PKP2: variants seen among roughly 807,000 people sequenced by gnomAD.
PKP2 encodes the protein plakophilin 2.
Under a neutral mutation model 83.4 loss-of-function variants are expected in PKP2, and 73 were observed. That is an observed-to-expected ratio of 0.88 (90% confidence interval 0.72 to 1.06). PKP2 has a LOEUF of 1.06. Ranked by LOEUF, PKP2 falls within the 50% of genes least tolerant of loss-of-function variation. PKP2 has a pLI of 0.00. For synonymous variants in PKP2, 409 were observed against 430.4 expected (o/e 0.95, Z 0.62); for missense variants, 966 against 1,065.4 (o/e 0.91, Z 1.30).
chr12:32,826,231 G>A (rs532271835), intron 6 of PKP2, among the ~76,000 whole-genome samples: 3 of 150,892 alleles, frequency 2.0e-5, no homozygotes, highest in East Asian at 2.0e-4. Context: ...GTGTGAACTC[G>A]GAAGGTGGAG....
At chr12:32,808,238 C>A (rs1956244282) in intron 9 of PKP2, among the ~76,000 whole-genome samples, 1 of 152,042 alleles carries the variant, frequency 6.6e-6, no homozygotes, top group African/African-American at 2.4e-5. Context: ...ATTCTTTTTT[C>A]TCTATTCTTG....
At chr12:32,820,853 C>T (rs1326688971) in intron 9 of PKP2, 1 of 178,898 alleles carries the variant, frequency 5.6e-6, no homozygotes, top group Admixed American at 5.5e-5. Context: ...AACTTCTTAA[C>T]AACACTATTG....
In PKP2 at chr12:32,792,633, C is replaced by T. The variant is rs1356336963; in HGVS notation, c.2445+11G>A. On this transcript the variant is annotated intron_variant, in intron 12 of 12. Coordinates refer to ENST00000340811, the MANE Select transcript of PKP2 (RefSeq NM_001005242.3). ...TGTTAACTATGACACATTCCTTGTT[C>T]ATGTTCTTACCTTCTTGTAGGCATG... The T allele has an allele frequency of 2.5e-6, 4 of 1,609,694 alleles. No homozygotes were observed. The highest frequency in any genetic ancestry group is 1.3e-5 in the African/African-American group (1 of 74,820).
intron 4 of PKP2, among the ~76,000 whole-genome samples, chr12:32,862,308 A>G (rs905383598): frequency 6.6e-6 from 1 of 152,238 alleles, no homozygotes; most frequent in Non-Finnish European, 1.5e-5. Context: ...AAGCTGAAAT[A>G]ATGCAGGTTT....
chr12:32,807,890 G>A (rs753431873), intron 9 of PKP2, among the ~76,000 whole-genome samples: 1 of 152,192 alleles, frequency 6.6e-6, no homozygotes, highest in Non-Finnish European at 1.5e-5. Context: ...TTTCTGCTGA[G>A]AAGTCTGCTG....
At chr12:32,865,681 C>A (rs1376734817) in intron 4 of PKP2, among the ~76,000 whole-genome samples, 62 of 103,636 alleles carry the variant, frequency 6.0e-4, no homozygotes, top group African/African-American at 1.1e-3. Context: ...GACTCCGTCT[C>A]AAAAAAAAAA....
chr12:32,822,909 T>C (rs897183302), intron 7 of PKP2, among the ~76,000 whole-genome samples: 2 of 152,156 alleles, frequency 1.3e-5, no homozygotes, highest in African/African-American at 4.8e-5. Context: ...GATACGTAAC[T>C]TACTAGCCAT....
intron 11 of PKP2, 86 bp from the exon 12 acceptor site, chr12:32,792,817 C>T (rs1353074805): frequency 2.0e-6 from 2 of 1,016,976 alleles, no homozygotes; most frequent in South Asian, 2.6e-5. Context: ...GACCTCTTCG[C>T]TCCTCAACTG....
intron 3 of PKP2, among the ~76,000 whole-genome samples, chr12:32,877,441 C>A (rs1956941202): frequency 6.6e-6 from 1 of 152,194 alleles, no homozygotes; most frequent in Admixed American, 6.5e-5. Context: ...TCATAGTTAT[C>A]CAAATGGCAT....
intron 1 of PKP2, among the ~76,000 whole-genome samples, chr12:32,879,941 A>T (rs563486584): frequency 2.9e-4 from 44 of 152,140 alleles, no homozygotes; most frequent in African/African-American, 1.0e-3. Flanking sequence ...TAGTGCTGAA[A>T]AATTTGGGAC....
In PKP2 at chr12:32,821,475, A is replaced by T. The variant is rs1256285375; in HGVS notation, c.1894T>A (p.Trp632Arg). Residue 632 changes from tryptophan (W) to arginine (R), a missense_variant, in exon 9 of 13, where the codon TGG becomes AGG. Coordinates refer to ENST00000340811, the MANE Select transcript of PKP2 (RefSeq NM_001005242.3). ...CTTATAACAATGGAATGCCACAGCCACTCCACGCCCTTGGGGTTGCTCTTT... is the reference window on the plus strand; with the variant it reads ...CTTATAACAATGGAATGCCACAGCCTCTCCACGCCCTTGGGGTTGCTCTTT... ...EEKSNPKGVE[W>R]LWHSIVIRMY... 1 of 1,613,736 alleles carries T rather than the reference A, an allele frequency of 6.2e-7. No homozygotes were observed.
intron 1 of PKP2, among the ~76,000 whole-genome samples, chr12:32,881,623 A>G (rs1476101109): frequency 2.0e-5 from 3 of 152,164 alleles, no homozygotes; most frequent in Admixed American, 1.3e-4. Flanking sequence ...ATTTATTATT[A>G]TAAGTAAGTT....
chr12:32,877,731 A>G, intron 3 of PKP2, 115 bp downstream of exon 3: 1 of 801,382 alleles, frequency 1.2e-6, no homozygotes, highest in Non-Finnish European at 2.2e-6. Context: ...TATTTTAATC[A>G]CTTATCTCTG....
chr12:32,889,745 G>A (rs1030409360), intron 1 of PKP2, among the ~76,000 whole-genome samples: 5 of 152,130 alleles, frequency 3.3e-5, no homozygotes, highest in Admixed American at 2.0e-4. Context: ...CGGAGAGGAA[G>A]GAAAGTTGCT....
At chr12:32,886,975 G>C (rs995948004) in intron 1 of PKP2, among the ~76,000 whole-genome samples, 14 of 152,022 alleles carry the variant, frequency 9.2e-5, no homozygotes, top group Non-Finnish European at 1.6e-4. Flanking sequence ...CTCCAGGCTG[G>C]GTGACAGAAA....
intron 4 of PKP2, among the ~76,000 whole-genome samples, chr12:32,851,508 A>T (rs991883830): frequency 6.6e-6 from 1 of 152,134 alleles, no homozygotes; most frequent in Non-Finnish European, 1.5e-5. Flanking sequence ...TGGCTCTGTC[A>T]CCCAGGCTGG....
intron 3 of PKP2, among the ~76,000 whole-genome samples, chr12:32,875,656 C>G (rs1956924712): frequency 6.6e-6 from 1 of 152,038 alleles, no homozygotes; most frequent in African/African-American, 2.4e-5. Flanking sequence ...GGCAGAGAGC[C>G]CTGTGTAATG....
chr12:32,850,081 C>T (rs921967395), intron 5 of PKP2, among the ~76,000 whole-genome samples: 7 of 152,202 alleles, frequency 4.6e-5, no homozygotes, highest in Non-Finnish European at 1.0e-4. Flanking sequence ...CCTAGGATAA[C>T]AGTGAAATCC....
intron 9 of PKP2, chr12:32,820,043 C>T (rs1242997673): frequency 1.3e-5 from 2 of 152,186 alleles, no homozygotes; most frequent in African/African-American, 4.8e-5. Context: ...TAAGGGCTCC[C>T]TGGTAGTTCC....
Sources: gnomAD v4.1 joint callset for allele counts (sites outside exome capture counted in the v4.1 genomes callset) on GRCh38, gnomAD v4.1.1 for gene constraint, MANE v1.5 for transcripts, NCBI Gene and HGNC (gene_info 2026-07-23, HGNC 2026-07-21) for gene names.